Variants in CENPT observed in about 807,000 individuals in gnomAD.
The protein encoded by CENPT is interphase centromere complex protein 22.
CENPT carries 42 observed loss-of-function variants against 59.7 expected under a neutral mutation model. The observed-to-expected ratio is 0.70, with a 90% CI of 0.55 to 0.91. CENPT has a LOEUF of 0.91. Ranked by LOEUF, CENPT falls within the 40% of genes least tolerant of loss-of-function variation. The pLI is 0.00. For missense variants in CENPT, 716 were observed against 713.4 expected (o/e 1.00, Z -0.04); for synonymous variants, 295 against 289.6 (o/e 1.02, Z -0.19).
At chr16:67,829,206 A>G in intron 13 of CENPT, 1 of 524,800 alleles carries the variant, frequency 1.9e-6, no homozygotes, top group South Asian at 3.0e-5. Context: ...ACTACAAACC[A>G]ACCACATACT....
At chr16:67,844,684 C>T (rs1321316922) in intron 1 of CENPT, among the ~76,000 whole-genome samples, 1 of 152,182 alleles carries the variant, frequency 6.6e-6, no homozygotes, top group Non-Finnish European at 1.5e-5. Flanking sequence ...ATACCTTGGC[C>T]TTGGTACACC....
At position 67,830,490 on chromosome 16, in the gene CENPT, C is replaced by T. The variant is rs951033959; in HGVS notation, c.762G>A (p.Val254=). 1 of 1,614,028 alleles carries T rather than the reference C, an allele frequency of 6.2e-7. No homozygotes were observed. The highest frequency in any genetic ancestry group is 8.5e-7 in the Non-Finnish European group (1 of 1,180,012). Residue 254 remains valine (V), a synonymous_variant, in exon 11 of 16, where the codon GTG becomes GTA. Transcript: ENST00000562787. Reference sequence around the variant, plus strand: ...GAGGCGTGCAGGGCAGGGAGTGATACACGTTGGGGGAGCCAACCATGGGCT... The same window carrying T: ...GAGGCGTGCAGGGCAGGGAGTGATATACGTTGGGGGAGCCAACCATGGGCT... ...FSQPMVGSPN[V]YHSLPCTPHT...
chr16:67,831,718 G>A lies in CENPT; in HGVS notation c.523+36C>T, dbSNP rs144356336. ...TCCTCAGCCTCTCCAGAGGACAGGA[G>A]GGAGAGGGTAGCAAAAGTGGTGTCC... On this transcript the variant is annotated intron_variant, in intron 8 of 15. Coordinates refer to ENST00000562787, the MANE Select transcript of CENPT (RefSeq NM_025082.4). 1.4e-5 allele frequency: 22 copies of A among 1,588,672 alleles called. 1 individual carries two copies. The East Asian group carries it at 4.2e-4, about 31-fold the overall frequency.
At position 67,828,709 on chromosome 16, in the gene CENPT, T is replaced by C. The variant is rs773954734; in HGVS notation, c.1415A>G (p.Lys472Arg). ...AAGAGCCTTCCTCTCCATGGGCATC[T>C]TGGCATAGAAGCTAAAGAGTTTCAC... ...HYVKLFSFYA[K>R]MPMERKALEM... The change falls in exon 14 of 16, where the codon AAG becomes AGG. Residue 472 changes from lysine to arginine, a missense_variant. Coordinates refer to ENST00000562787, the MANE Select transcript of CENPT (RefSeq NM_025082.4). 6.8e-6 allele frequency: 11 copies of C among 1,614,178 alleles called. No individual in the cohort carries two copies. The Admixed American group carries it at 8.3e-5, about 12-fold the overall frequency.
At chr16:67,841,804 C>T (rs998643717) in intron 1 of CENPT, 1 of 152,266 alleles carries the variant, frequency 6.6e-6, no homozygotes, top group African/African-American at 2.4e-5. Context: ...AAAGGGGCTC[C>T]TGAGACCCTT....
chr16:67,830,712 C>G (rs2057678970), intron 10 of CENPT, 164 bp from the exon 11 acceptor site: 1 of 659,432 alleles, frequency 1.5e-6, no homozygotes, highest in Non-Finnish European at 2.6e-6. Context: ...AAGAAGACGA[C>G]CTAGCACGCG....
At chr16:67,837,832 G>C (rs1412583320) in intron 1 of CENPT, among the ~76,000 whole-genome samples, 1 of 152,184 alleles carries the variant, frequency 6.6e-6, no homozygotes, top group Non-Finnish European at 1.5e-5. Context: ...AGGCAGGGAG[G>C]AGCGAAAGAG....
intron 11 of CENPT, 109 bp from the exon 12 acceptor site, chr16:67,830,197 G>T: frequency 7.9e-7 from 1 of 1,266,384 alleles, no homozygotes. Flanking sequence ...ACTGAGGAAA[G>T]ACAAAGCCAG....
At chr16:67,845,957 G>A (rs2057795118) in intron 1 of CENPT, among the ~76,000 whole-genome samples, 1 of 152,236 alleles carries the variant, frequency 6.6e-6, no homozygotes, top group South Asian at 2.1e-4. Context: ...AGAGACCTCC[G>A]GCCAGGAAGG....
At chr16:67,829,076 T>TTA in intron 13 of CENPT, 1 of 540,286 alleles carries the variant, frequency 1.9e-6, no homozygotes, top group Non-Finnish European at 3.2e-6. Flanking sequence ...TTCAGACTTA[T>TTA]TATCTATATT....
intron 1 of CENPT, chr16:67,846,674 C>T: frequency 6.6e-6 from 1 of 152,566 alleles, no homozygotes; most frequent in South Asian, 2.1e-4. Context: ...GAGCCCTGAC[C>T]CTAGCCTGGC....
Position 67,828,728 on chromosome 16 carries a change from G to A in CENPT, c.1396C>T (p.Leu466Phe), listed in dbSNP as rs376560597. Residue 466 changes from leucine to phenylalanine, a missense_variant, in exon 14 of 16, where the codon CTC (leucine) becomes TTC (phenylalanine). Coordinates refer to ENST00000562787, the MANE Select transcript of CENPT (RefSeq NM_025082.4). Reference protein sequence around the residue: ...HKAGLSHYVKLFSFYAKMPME... With the variant: ...HKAGLSHYVKFFSFYAKMPME... The stretch of plus-strand genomic sequence containing the variant: ...GGCATCTTGGCATAGAAGCTAAAGA[G>A]TTTCACATAGTGGCTCAGTCCAGCC... 1.1e-5 allele frequency: 18 copies of A among 1,613,978 alleles called. No individual in the cohort carries two copies. The highest frequency in any genetic ancestry group is 1.4e-5 in the Non-Finnish European group (16 of 1,179,996).
In CENPT at chr16:67,830,479, A is replaced by C. The variant is rs1384080315; in HGVS notation, c.773T>G (p.Leu258Arg). Reference sequence around the variant, plus strand: ...AGCCCCAGTGTGAGGCGTGCAGGGCAGGGAGTGATACACGTTGGGGGAGCC... The same window carrying C: ...AGCCCCAGTGTGAGGCGTGCAGGGCCGGGAGTGATACACGTTGGGGGAGCC... ...MVGSPNVYHS[L>R]PCTPHTGAED... The change falls in exon 11 of 16, where the codon CTG (leucine) becomes CGG (arginine). Residue 258 changes from leucine (L) to arginine (R), a missense_variant. Coordinates refer to ENST00000562787, the MANE Select transcript of CENPT (RefSeq NM_025082.4). 6.2e-7 allele frequency: 1 copy of C among 1,614,038 alleles called. No homozygotes were observed. Among genetic ancestry groups the C allele is most frequent in the Non-Finnish European group, 8.5e-7 (1 of 1,180,022 alleles).
intron 13 of CENPT, 138 bp downstream of exon 13, chr16:67,829,285 C>T: frequency 1.5e-6 from 1 of 671,840 alleles, no homozygotes; most frequent in Non-Finnish European, 2.4e-6. Flanking sequence ...TCTTGGTGAG[C>T]TCTCCCCAGC....
intron 10 of CENPT, 152 bp downstream of exon 10, chr16:67,831,064 C>T: frequency 1.0e-6 from 1 of 970,384 alleles, no homozygotes; most frequent in South Asian, 1.4e-5. Flanking sequence ...CTGTAGAAAG[C>T]AAGCAGAAAT....
In CENPT at chr16:67,843,530, A is replaced by T. The variant is rs888462643; in HGVS notation, c.-492+3871T>A. 1.3e-6 allele frequency: 2 copies of T among 1,582,668 alleles called. No homozygotes were observed. Among genetic ancestry groups the T allele is most frequent in the African/African-American group, 1.3e-5 (1 of 74,544 alleles). On this transcript the variant is annotated intron_variant, in intron 1 of 15. Coordinates refer to ENST00000562787, the MANE Select transcript of CENPT (RefSeq NM_025082.4). This position sits in a 1 kb window ranked among gnomAD's most constrained non-coding sequence, Gnocchi z 5.7. ...TGCCCCGGCAGCCTGCTGGACTCCC[A>T]GACCCCATCCAGCCAGGGGACCGCA...
At chr16:67,830,109 A>G in intron 11 of CENPT, 21 bp from the exon 12 acceptor site, 1 of 1,611,098 alleles carries the variant, frequency 6.2e-7, no homozygotes, top group Non-Finnish European at 8.5e-7. Context: ...GGGAGAGAAT[A>G]CAGGCCGGAG....
At chr16:67,832,690 C>T (rs1003640377) in intron 4 of CENPT, 145 bp from the exon 5 acceptor site, 2 of 655,900 alleles carry the variant, frequency 3.0e-6, no homozygotes, top group African/African-American at 1.8e-5. Flanking sequence ...ACCATCGCCC[C>T]TGTTCCCAGC....
chr16:67,846,549 G>A (rs1158831819), intron 1 of CENPT, among the ~76,000 whole-genome samples: 1 of 152,254 alleles, frequency 6.6e-6, no homozygotes, highest in Admixed American at 6.5e-5. Context: ...AGGGGCCCAG[G>A]GAGGGGCAGC....
Sources: gnomAD v4.1 joint callset for allele counts (sites outside exome capture counted in the v4.1 genomes callset) on GRCh38, gnomAD v4.1.1 for gene constraint, Gnocchi (gnomAD v3.1) non-coding constraint, MANE v1.5 for transcripts, NCBI Gene and HGNC (gene_info 2026-07-23, HGNC 2026-07-21) for gene names.